TMEM164: variants seen among roughly 807,000 people sequenced by gnomAD.
The protein encoded by TMEM164 is transmembrane protein 164, also known as RP13-360B22.2.
TMEM164 carries 4 observed loss-of-function variants against 18.8 expected under a neutral mutation model. That is an observed-to-expected ratio of 0.21 (90% CI 0.10 to 0.49). TMEM164 has a LOEUF of 0.49. Ranked by LOEUF, TMEM164 falls within the 20% of genes least tolerant of loss-of-function variation. The pLI is 0.98. For missense variants in TMEM164, 108 were observed against 239.9 expected, an observed-to-expected ratio of 0.45 and a Z score of 3.63; for synonymous variants, 86 against 101.7, an observed-to-expected ratio of 0.85 and a Z score of 0.93.
At chrX:110,015,660 C>T (rs769459505) in intron 2 of TMEM164, among the ~76,000 whole-genome samples, 5 of 110,731 alleles carry the variant, frequency 4.5e-5, no homozygotes, top group South Asian at 3.8e-4. Context: ...TTATCAGCAG[C>T]GCTTTCACAC....
At chrX:110,139,902 G>A (rs2066744453) in intron 4 of TMEM164, among the ~76,000 whole-genome samples, 1 of 110,894 alleles carries the variant, frequency 9.0e-6, no homozygotes, top group Non-Finnish European at 1.9e-5. Flanking sequence ...GACACAAGGT[G>A]GTGGCTGGAT....
intron 3 of TMEM164, among the ~76,000 whole-genome samples, chrX:110,099,935 A>C (rs770202340): frequency 8.9e-6 from 1 of 112,279 alleles, no homozygotes; most frequent in Non-Finnish European, 1.9e-5. Context: ...TTTATACTTA[A>C]GCATTTCAGT....
chrX:110,133,317 A>G (rs1381245827), intron 4 of TMEM164, among the ~76,000 whole-genome samples: 1 of 110,658 alleles, frequency 9.0e-6, no homozygotes, highest in Non-Finnish European at 1.9e-5. Context: ...CACCTGGCTA[A>G]TTTTTGTACT....
At chrX:110,121,516 T>G (rs2066449606) in intron 4 of TMEM164, among the ~76,000 whole-genome samples, 1 of 112,571 alleles carries the variant, frequency 8.9e-6, no homozygotes, top group Admixed American at 9.4e-5. Context: ...TCCATGTTGT[T>G]GCATGTATCA....
At chrX:110,153,200 G>T (rs186722342) in intron 5 of TMEM164, among the ~76,000 whole-genome samples, 1 of 111,718 alleles carries the variant, frequency 9.0e-6, no homozygotes, top group African/African-American at 3.3e-5. Flanking sequence ...CCCAGCTCCC[G>T]CCAGCTGCCT....
intron 3 of TMEM164, among the ~76,000 whole-genome samples, chrX:110,090,585 G>C (rs1359188308): frequency 8.9e-6 from 1 of 111,767 alleles, no homozygotes; most frequent in Non-Finnish European, 1.9e-5. Context: ...AAAATGCTGG[G>C]ATTACAGGCG....
chrX:110,146,158 A>G (rs938722679), intron 5 of TMEM164, among the ~76,000 whole-genome samples: 2 of 112,476 alleles, frequency 1.8e-5, no homozygotes, highest in Admixed American at 9.4e-5. Context: ...AGTCTCAGAA[A>G]TACACACATT....
At chrX:110,027,402 ATATAT>A (rs1421116854) in intron 2 of TMEM164, among the ~76,000 whole-genome samples, 1 of 111,667 alleles carries the variant, frequency 9.0e-6, no homozygotes, top group Non-Finnish European at 1.9e-5. Flanking sequence ...CTTGATCATG[ATATAT>A]TATCTTTTTT....
At chrX:110,040,167 G>A (rs756899091) in intron 2 of TMEM164, among the ~76,000 whole-genome samples, 1 of 112,405 alleles carries the variant, frequency 8.9e-6, no homozygotes, top group Admixed American at 9.4e-5. Flanking sequence ...TTGAAAAACT[G>A]TTTATGATAC....
intron 4 of TMEM164, among the ~76,000 whole-genome samples, chrX:110,112,928 G>T (rs1031052891): frequency 9.0e-6 from 1 of 111,229 alleles, no homozygotes; most frequent in Non-Finnish European, 1.9e-5. Flanking sequence ...GAGAGTTAGG[G>T]CTCCAACATA....
At chrX:110,104,174 G>T (rs2066151859) in intron 3 of TMEM164, among the ~76,000 whole-genome samples, 1 of 111,839 alleles carries the variant, frequency 8.9e-6, no homozygotes, top group Admixed American at 9.5e-5. Context: ...ACTGTACATT[G>T]TGCCATCGTA....
chrX:110,098,758 G>A (rs866180498), intron 3 of TMEM164, among the ~76,000 whole-genome samples: 41 of 109,173 alleles, frequency 3.8e-4, no homozygotes, highest in African/African-American at 1.2e-3. Context: ...ACTTCTTTTG[G>A]TGAAGTGTCT....
At chrX:110,034,582 C>T (rs928335668) in intron 2 of TMEM164, among the ~76,000 whole-genome samples, 3 of 111,685 alleles carry the variant, frequency 2.7e-5, no homozygotes, top group East Asian at 5.6e-4. Context: ...CAGTGGGCCA[C>T]GTTTGGTTCG....
chrX:110,170,216 GC>G (rs934263860), intron 5 of TMEM164, among the ~76,000 whole-genome samples: 4 of 112,548 alleles, frequency 3.6e-5, no homozygotes, highest in Non-Finnish European at 7.5e-5. Context: ...TCTGGGCTTT[GC>G]ACCAGTACTT....
intron 3 of TMEM164, among the ~76,000 whole-genome samples, chrX:110,101,184 A>G (rs934143722): frequency 8.9e-6 from 1 of 111,915 alleles, no homozygotes; most frequent in Non-Finnish European, 1.9e-5. Flanking sequence ...ACTCAACATG[A>G]GAAATGTTTC....
intron 3 of TMEM164, among the ~76,000 whole-genome samples, chrX:110,097,189 C>T (rs2066035219): frequency 9.0e-6 from 1 of 111,553 alleles, no homozygotes; most frequent in Non-Finnish European, 1.9e-5. Flanking sequence ...CCAGGCTGGT[C>T]TCGAACTCCT....
At chrX:110,052,872 T>C (rs1347581295) in intron 2 of TMEM164, among the ~76,000 whole-genome samples, 1 of 104,126 alleles carries the variant, frequency 9.6e-6, no homozygotes, top group Non-Finnish European at 1.9e-5. Context: ...TGCCTCAGCC[T>C]CCCGAGTAGG....
chrX:110,015,543 G>C (rs1022203706), intron 2 of TMEM164, among the ~76,000 whole-genome samples: 2 of 104,729 alleles, frequency 1.9e-5, no homozygotes, highest in Non-Finnish European at 3.8e-5. Flanking sequence ...TAAGTTCCAG[G>C]AACTTGAGTG....
intron 3 of TMEM164, chrX:110,082,179 G>A (rs1053591639): frequency 1.8e-5 from 2 of 113,350 alleles, no homozygotes; most frequent in Non-Finnish European, 3.8e-5. Flanking sequence ...ATTCTACCTG[G>A]CCCACTACCA....
Sources: gnomAD v4.1 joint callset for allele counts (sites outside exome capture counted in the v4.1 genomes callset) on GRCh38, gnomAD v4.1.1 for gene constraint, MANE v1.5 for transcripts, NCBI Gene and HGNC (gene_info 2026-07-23, HGNC 2026-07-21) for gene names.